WDR17: variants seen among roughly 807,000 people sequenced by gnomAD.
The protein encoded by WDR17 is WD repeat-containing protein 17.
Under a neutral mutation model 161.7 loss-of-function variants are expected in WDR17, and 143 were observed. That is an observed-to-expected ratio of 0.88 (90% CI 0.77 to 1.02). WDR17 has a LOEUF of 1.02. Among genes scored for constraint, WDR17 ranks in the 50% least tolerant of loss-of-function variants. The pLI is 0.00. For synonymous variants in WDR17, 517 were observed against 515.6 expected (o/e 1.00, Z -0.04); for missense variants, 1,469 against 1,520.9 (o/e 0.97, Z 0.57).
intron 18 of WDR17, 131 bp downstream of exon 18, chr4:176,156,274 T>C: frequency 1.2e-6 from 1 of 804,500 alleles, no homozygotes; most frequent in Non-Finnish European, 1.9e-6. Context: ...TTAAATTTTG[T>C]ATCTACTGAT....
At chr4:176,139,764 G>C in intron 9 of WDR17, 128 bp from the exon 10 acceptor site, 1 of 667,234 alleles carries the variant, frequency 1.5e-6, no homozygotes. Context: ...GCTCTTGACA[G>C]TAATGCCTCT....
At chr4:176,094,384 C>A (rs1024084749) in intron 1 of WDR17, among the ~76,000 whole-genome samples, 4 of 152,118 alleles carry the variant, frequency 2.6e-5, no homozygotes, top group Non-Finnish European at 1.5e-5. Context: ...TAATCACTAT[C>A]TAATACCTAC....
chr4:176,122,493 A>G (rs1017772787), intron 4 of WDR17, among the ~76,000 whole-genome samples: 2 of 152,232 alleles, frequency 1.3e-5, no homozygotes, highest in Non-Finnish European at 2.9e-5. Context: ...TATAAAAGAT[A>G]CAGTCCTGAT....
At chr4:176,148,003 C>A in intron 12 of WDR17, 130 bp from the exon 13 acceptor site, 2 of 606,054 alleles carry the variant, frequency 3.3e-6, no homozygotes, top group Admixed American at 3.6e-5. Context: ...TGAAGAGAAC[C>A]TTATATCTTG....
intron 1 of WDR17, among the ~76,000 whole-genome samples, chr4:176,099,155 T>A (rs1737390474): frequency 6.6e-6 from 1 of 152,142 alleles, no homozygotes; most frequent in Admixed American, 6.6e-5. Context: ...CTACTCCATT[T>A]TAGCCAATAA....
At position 176,125,350 on chromosome 4, in the gene WDR17, C is replaced by T. The variant is rs146246742; in HGVS notation, c.785C>T (p.Thr262Ile). The T allele has an allele frequency of 1.9e-6, 3 of 1,613,866 alleles. No individual in the cohort carries two copies. Among genetic ancestry groups the T allele is most frequent in the Admixed American group, 3.3e-5 (2 of 60,014 alleles). Reference protein sequence around the residue: ...WVPSAPGMFITGDSQVGVLRI... With the variant: ...WVPSAPGMFIIGDSQVGVLRI... The stretch of plus-strand genomic sequence containing the variant: ...CCCAGTGCTCCTGGGATGTTTATAA[C>T]TGGAGGTAAGCTAATCCCCATAACC... The change falls in exon 5 of 29, where the codon ACT becomes ATT. Residue 262 changes from threonine to isoleucine, a missense_variant. By Grantham distance (89) the Thr-to-Ile change is moderately conservative. Transcript: ENST00000508596.
chr4:176,111,781 G>A (rs1739792977), intron 2 of WDR17, 78 bp downstream of exon 2: 1 of 1,250,844 alleles, frequency 8.0e-7, no homozygotes, highest in Admixed American at 3.3e-5. Flanking sequence ...TTAAGTCCTT[G>A]TTACATGAAA....
chr4:176,085,202 C>A (rs552082227), intron 1 of WDR17, among the ~76,000 whole-genome samples: 1 of 152,136 alleles, frequency 6.6e-6, no homozygotes, highest in Non-Finnish European at 1.5e-5. Context: ...AGAGAATTTA[C>A]ATTTTCACAT....
rs572941157 is a variant in WDR17, at chr4:176,129,533, A to T, written c.913+673A>T. 8.5e-5 allele frequency among the ~76,000 whole-genome samples: 13 copies of T among 152,278 alleles called. 1 individual carries two copies. The highest frequency in any genetic ancestry group is 3.4e-3 in the Middle Eastern group (1 of 294). On this transcript the variant is annotated intron_variant, in intron 6 of 28. Coordinates refer to ENST00000508596, the MANE Select transcript of WDR17 (RefSeq NM_181265.4). ...TAGACTTCCAGTTAAGTCTATCATG[A>T]TTACTCTGCATGGTTGGTAGTGTTC...
chr4:176,174,550 G>C lies in WDR17; in HGVS notation c.3348-67G>C, dbSNP rs895036882. The C allele has an allele frequency of 1.1e-5, 12 of 1,119,380 alleles. No individual in the cohort carries two copies. The African/African-American group carries it at 1.9e-4, about 18-fold the overall frequency. 69.3% of individuals were successfully genotyped at this position (1,119,380 alleles called of 1,614,324 possible). A position where few individuals can be genotyped will look rare whatever the true frequency, so the allele number is the denominator to read the frequency against. On this transcript the variant is annotated intron_variant, in intron 25 of 28. Transcript: ENST00000508596. ...TCAGAATATATAAAGTACATGAACT[G>C]TGTATCAGAGTAATGTTCTATGCCT... is the stretch of plus-strand genomic sequence containing the variant.
chr4:176,078,267 T>A (rs1037774725), intron 1 of WDR17, among the ~76,000 whole-genome samples: 2 of 152,114 alleles, frequency 1.3e-5, no homozygotes, highest in Non-Finnish European at 2.9e-5. Context: ...ATGAACACAT[T>A]TGAATTTTTT....
At chr4:176,085,122 C>T (rs1362128868) in intron 1 of WDR17, among the ~76,000 whole-genome samples, 10 of 151,840 alleles carry the variant, frequency 6.6e-5, no homozygotes, top group Admixed American at 6.6e-4. Context: ...TTGCTTGGCA[C>T]TTTTCATACA....
intron 7 of WDR17, among the ~76,000 whole-genome samples, chr4:176,134,742 C>A (rs1456720568): frequency 6.6e-6 from 1 of 151,780 alleles, no homozygotes; most frequent in Non-Finnish European, 1.5e-5. Flanking sequence ...CATATGGTAA[C>A]TATTAAGAGT....
chr4:176,141,150 C>T (rs1329068321), intron 10 of WDR17, among the ~76,000 whole-genome samples: 1 of 151,026 alleles, frequency 6.6e-6, no homozygotes, highest in Admixed American at 6.6e-5. Flanking sequence ...GATAGTAGAG[C>T]TTTTATTTTT....
At position 176,153,126 on chromosome 4, in the gene WDR17, T is replaced by C. The variant is rs567890075; in HGVS notation, c.2460+1159T>C. Among the ~76,000 whole-genome samples, 4 of 152,288 alleles carry C rather than the reference T, an allele frequency of 2.6e-5. No individual in the cohort carries two copies. The South Asian group carries it at 8.3e-4, about 32-fold the overall frequency. The stretch of plus-strand genomic sequence containing the variant: ...ACTGCGGGGTTGGAGCCCAGCCATC[T>C]TGTGTTTTCATAAGCCCTCCATGTT... On this transcript the variant is annotated intron_variant, in intron 17 of 28. Transcript: ENST00000508596.
intron 1 of WDR17, among the ~76,000 whole-genome samples, chr4:176,079,712 AAGT>A (rs1434829990): frequency 3.9e-5 from 6 of 152,108 alleles, no homozygotes; most frequent in Non-Finnish European, 7.4e-5. Flanking sequence ...TAAAGAAAAT[AAGT>A]TTATTTCTTA....
chr4:176,151,819 C>T lies in WDR17; in HGVS notation c.2312C>T (p.Ala771Val). 1 of 1,574,452 alleles carries T rather than the reference C, an allele frequency of 6.4e-7. No individual in the cohort carries two copies. The highest frequency in any genetic ancestry group is 8.6e-7 in the Non-Finnish European group (1 of 1,165,656). ...KHLIKFRTSE[A>V]QELTTVKMSK... is the part of the protein sequence containing the mutation. Reference sequence around the variant, plus strand: ...TTTTCTTTTTAAAACCAGTCTGAAGCTCAAGAACTAACAACAGTCAAGATG... The same window carrying T: ...TTTTCTTTTTAAAACCAGTCTGAAGTTCAAGAACTAACAACAGTCAAGATG... The change falls in exon 17 of 29, where the codon GCT becomes GTT. Residue 771 changes from alanine (A) to valine (V), a missense_variant. Physicochemically the swap from Ala to Val is moderately conservative, Grantham distance 64 (BLOSUM62 0). Coordinates refer to ENST00000508596, the MANE Select transcript of WDR17 (RefSeq NM_181265.4).
intron 1 of WDR17, among the ~76,000 whole-genome samples, chr4:176,110,298 C>T (rs771431777): frequency 5.3e-5 from 8 of 152,132 alleles, no homozygotes; most frequent in Non-Finnish European, 1.2e-4. Flanking sequence ...CCCGTCACCA[C>T]GCCCGGCTAA....
At chr4:176,075,910 G>A (rs1449505423) in intron 1 of WDR17, among the ~76,000 whole-genome samples, 1 of 152,034 alleles carries the variant, frequency 6.6e-6, no homozygotes, top group Non-Finnish European at 1.5e-5. Flanking sequence ...AGGAGTTTGA[G>A]GCTTGAATGT....
Sources: allele counts gnomAD v4.1 joint callset (sites outside exome capture counted in the v4.1 genomes callset), GRCh38; gene constraint gnomAD v4.1.1; transcripts MANE v1.5; gene names NCBI Gene and HGNC (gene_info 2026-07-23, HGNC 2026-07-21).